The following LRRC37A2 variants were observed in gnomAD, a reference collection of about 807,000 sequenced individuals.
LRRC37A2 encodes leucine rich repeat containing 37 member A2, also known as leucine-rich repeat-containing protein 37A2.
Under a neutral mutation model 68.8 loss-of-function variants are expected in LRRC37A2, and 9 were observed. The ratio of observed to expected loss-of-function variants is 0.13; its 90% confidence interval spans 0.08 to 0.23. LRRC37A2 has a LOEUF of 0.23. LRRC37A2 is among the 10% of genes least tolerant of loss of function. The pLI, the probability that LRRC37A2 is intolerant of heterozygous loss-of-function variation, is 1.00. For synonymous variants in LRRC37A2, 63 were observed against 367.6 expected (o/e 0.17, Z 9.48); for missense variants, 168 against 950.4 (o/e 0.18, Z 10.82).
At chr17:46,398,294 AG>A in the LRRC37A2 span, among the ~76,000 whole-genome samples, 2 of 150,116 alleles carry the variant, frequency 1.3e-5, no homozygotes, top group African/African-American at 4.9e-5. Flanking sequence ...CAAGACCTTT[AG>A]GTTACTCCTA....
At chr17:46,755,722 ATTTTTTT>A in the LRRC37A2 span, 6 of 1,045,692 alleles carry the variant, frequency 5.7e-6, no homozygotes, top group Admixed American at 2.9e-5. Context: ...GCTTTTAGTG[ATTTTTTT>A]TTTTTTTTTT....
the LRRC37A2 span, among the ~76,000 whole-genome samples, chr17:46,870,904 C>CTTT: frequency 1.1e-3 from 84 of 78,374 alleles, no homozygotes; most frequent in East Asian, 9.9e-3. Flanking sequence ...TCCACCTTTG[C>CTTT]TTTTTTTTTT....
At chr17:46,788,447 C>T in the LRRC37A2 span, among the ~76,000 whole-genome samples, 1 of 152,170 alleles carries the variant, frequency 6.6e-6, no homozygotes, top group Admixed American at 6.5e-5. Flanking sequence ...CCCTTCAAGC[C>T]AGTTCTGGTA....
At chr17:46,862,163 CAA>C in the LRRC37A2 span, among the ~76,000 whole-genome samples, 5,739 of 80,288 alleles carry the variant, frequency 0.071, 244 homozygotes, top group African/African-American at 0.18. Flanking sequence ...AACTCCGTCT[CAA>C]AAAAAAAAAA....
At chr17:47,023,746 C>T in the LRRC37A2 span, among the ~76,000 whole-genome samples, 2 of 152,026 alleles carry the variant, frequency 1.3e-5, no homozygotes, top group African/African-American at 4.8e-5. Context: ...AGGTGCCCTC[C>T]ATCACACCCA....
the LRRC37A2 span, among the ~76,000 whole-genome samples, chr17:46,864,122 G>C: frequency 6.6e-6 from 1 of 152,236 alleles, no homozygotes; most frequent in South Asian, 2.1e-4. Flanking sequence ...CTGCCTGTGC[G>C]TGGGAAGAGG....
At chr17:46,785,777 G>A in the LRRC37A2 span, among the ~76,000 whole-genome samples, 1 of 152,174 alleles carries the variant, frequency 6.6e-6, no homozygotes, top group Non-Finnish European at 1.5e-5. Flanking sequence ...TCAGTCAGAG[G>A]GAAGAGGCTG....
chr17:46,958,165 G>T, the LRRC37A2 span, among the ~76,000 whole-genome samples: 1 of 152,190 alleles, frequency 6.6e-6, no homozygotes, highest in Non-Finnish European at 1.5e-5. Context: ...CAGAGGAGCT[G>T]GGAATGGGGA....
chr17:47,018,588 T>G, the LRRC37A2 span: 1 of 1,520,188 alleles, frequency 6.6e-7, no homozygotes, highest in African/African-American at 1.4e-5. Flanking sequence ...TCCAGAGTCA[T>G]CGGAAGAAGC....
chr17:46,935,158 C>CTA, the LRRC37A2 span: 1 of 1,614,130 alleles, frequency 6.2e-7, no homozygotes, highest in Non-Finnish European at 8.5e-7. Context: ...GACCCAGAGA[C>CTA]TGACCTTGAA....
the LRRC37A2 span, among the ~76,000 whole-genome samples, chr17:46,820,102 T>G: frequency 3.3e-5 from 5 of 152,218 alleles, no homozygotes; most frequent in Non-Finnish European, 5.9e-5. Context: ...AAGGAAGTCT[T>G]ACGCCAGGGG....
the LRRC37A2 span, among the ~76,000 whole-genome samples, chr17:46,925,102 C>G: frequency 2.0e-5 from 3 of 150,086 alleles, no homozygotes; most frequent in South Asian, 2.1e-4. Flanking sequence ...AACAATGCAC[C>G]CTTGGACTCT....
the LRRC37A2 span, among the ~76,000 whole-genome samples, chr17:46,789,482 G>C: frequency 1.3e-5 from 2 of 152,224 alleles, no homozygotes; most frequent in Non-Finnish European, 2.9e-5. Context: ...TCCACCAGAA[G>C]TGTGACAGTA....
the LRRC37A2 span, among the ~76,000 whole-genome samples, chr17:47,008,195 C>G: frequency 1.3e-5 from 2 of 150,962 alleles, no homozygotes; most frequent in Non-Finnish European, 2.9e-5. Context: ...ACTGCAAGCT[C>G]TGTCTCCTGG....
At chr17:46,942,007 C>A in the LRRC37A2 span, 1 of 952,122 alleles carries the variant, frequency 1.1e-6, no homozygotes. Flanking sequence ...TAAATTCTTA[C>A]TGTTTATATC....
At chr17:46,907,582 G>C in the LRRC37A2 span, among the ~76,000 whole-genome samples, 2 of 147,710 alleles carry the variant, frequency 1.4e-5, no homozygotes, top group Non-Finnish European at 3.0e-5. Flanking sequence ...CACACCTGTA[G>C]CTCCAGCAGA....
chr17:46,936,719 C>T, the LRRC37A2 span: 1 of 984,724 alleles, frequency 1.0e-6, no homozygotes, highest in Non-Finnish European at 1.2e-6. Flanking sequence ...ATGAAATAAT[C>T]TGTGTGTTCA....
the LRRC37A2 span, chr17:46,941,816 C>A: frequency 2.7e-6 from 1 of 366,132 alleles, no homozygotes; most frequent in Non-Finnish European, 3.8e-6. Flanking sequence ...AAACTCCTGG[C>A]CTCAAGTGAT....
the LRRC37A2 span, among the ~76,000 whole-genome samples, chr17:46,826,748 A>G: frequency 1.3e-5 from 2 of 150,564 alleles, no homozygotes; most frequent in Admixed American, 6.6e-5. Flanking sequence ...ATCGGTGAGC[A>G]TCCACTCCCT....
Sources: allele counts gnomAD v4.1 joint callset (sites outside exome capture counted in the v4.1 genomes callset), GRCh38; gene constraint gnomAD v4.1.1; transcripts MANE v1.5; gene names NCBI Gene and HGNC (gene_info 2026-07-23, HGNC 2026-07-21).